The following VGF variants were observed in gnomAD, a reference collection of about 807,000 sequenced individuals.
VGF encodes VGF nerve growth factor inducible, also known as neurosecretory protein VGF.
A neutral mutation model predicts 41.1 loss-of-function variants in VGF; 13 were observed. The observed-to-expected ratio is 0.32, with a 90% CI of 0.21 to 0.50. VGF has a LOEUF of 0.50. Among genes scored for constraint, VGF ranks in the 20% least tolerant of loss-of-function variants. The probability of loss-of-function intolerance (pLI) is 0.98; values close to 1 mark genes in which losing one functional copy is unlikely to be tolerated. For missense variants in VGF, 920 were observed against 882.1 expected, an observed-to-expected ratio of 1.04 and a Z score of -0.54; for synonymous variants, 473 against 418.3, an observed-to-expected ratio of 1.13 and a Z score of -1.60.
intron 1 of VGF, 185 bp downstream of exon 1, chr7:101,165,189 C>A: frequency 1.9e-6 from 2 of 1,031,688 alleles, no homozygotes; most frequent in Non-Finnish European, 2.3e-6. Context: ...CCGTAGGACT[C>A]CCCGGATGGT....
In VGF at chr7:101,163,104, C is replaced by T. The variant is rs1244348615; in HGVS notation, c.1740G>A (p.Glu580=). 1 of 1,581,902 alleles carries T rather than the reference C, an allele frequency of 6.3e-7. No individual in the cohort carries two copies. Among genetic ancestry groups the T allele is most frequent in the Non-Finnish European group, 8.6e-7 (1 of 1,167,580 alleles). ...LPPSRHYPGR[E]AQARRAQEEA... ...CCTCCTGCGCGCGCCGCGCCTGGGC[C>T]TCCCGGCCGGGATAGTGGCGCGAAG... The change falls in exon 2 of 2, where the codon GAG becomes GAA. Residue 580 remains glutamate (E), a synonymous_variant. Coordinates refer to ENST00000249330, the MANE Select transcript of VGF (RefSeq NM_003378.4). The surrounding 1 kb of genome is among the most constrained non-coding windows in gnomAD (Gnocchi z 5.0).
rs763436638 is a variant in VGF at position 101,164,495 on chromosome 7, C to T, written c.349G>A (p.Glu117Lys). 4 of 1,601,220 alleles carry T rather than the reference C, an allele frequency of 2.5e-6. No homozygotes were observed. Among genetic ancestry groups the T allele is most frequent in the Non-Finnish European group, 3.4e-6 (4 of 1,179,138 alleles). The change falls in exon 2 of 2, where the codon GAG becomes AAG. Residue 117 changes from glutamate (E) to lysine (K), a missense_variant. Physicochemically the swap from Glu to Lys is moderately conservative, Grantham distance 56. This residue lies in a region of VGF where 654 missense variants were observed against 638.4 expected (regional missense o/e 1.02). Coordinates refer to ENST00000249330, the MANE Select transcript of VGF (RefSeq NM_003378.4). Reference sequence around the variant, plus strand: ...CTGTGGGTCTGGCTGCGCACGGTCTCGGTCAGCAGAGCTTCAGCTGCTTCT... The same window carrying T: ...CTGTGGGTCTGGCTGCGCACGGTCTTGGTCAGCAGAGCTTCAGCTGCTTCT... ...EEEAAEALLT[E>K]TVRSQTHSLP...
In VGF at chr7:101,162,765, C is replaced by G; in HGVS notation, c.*231G>C. ...CGCGTGGCAAGGGAACTCGCACAAACCACCCGCCCTCCTGGGCTGGCCCCC... is the reference window on the plus strand; with the variant it reads ...CGCGTGGCAAGGGAACTCGCACAAAGCACCCGCCCTCCTGGGCTGGCCCCC... On this transcript the variant is annotated 3_prime_UTR_variant, in exon 2 of 2. Coordinates refer to ENST00000249330, the MANE Select transcript of VGF (RefSeq NM_003378.4). The surrounding 1 kb of genome is among the most constrained non-coding windows in gnomAD (Gnocchi z 4.2). 1.6e-6 allele frequency: 1 copy of G among 632,308 alleles called. No homozygotes were observed. 39.2% of individuals were successfully genotyped at this position (632,308 alleles called of 1,614,324 possible).
In VGF at chr7:101,163,637, G is replaced by C. The variant is rs1797157873; in HGVS notation, c.1207C>G (p.Leu403Val). ...CCGTCCTCCTCCTCCGCGAACAGGA[G>C]CGCGTTCTGCCGCGCCCTCTCCGCC... ...EEAERARQNA[L>V]LFAEEEDGEA... Residue 403 changes from leucine (L) to valine (V), a missense_variant, in exon 2 of 2, where the codon CTC (leucine) becomes GTC (valine). Around this residue, in one of 3 missense-constraint regions of VGF, gnomAD observed 654 missense variants for 638.4 expected, o/e 1.02. Transcript: ENST00000249330. The surrounding 1 kb of genome is among the most constrained non-coding windows in gnomAD (Gnocchi z 5.0). 6.5e-7 allele frequency: 1 copy of C among 1,543,900 alleles called. No homozygotes were observed. The highest frequency in any genetic ancestry group is 1.2e-5 in the South Asian group (1 of 84,856).
upstream of VGF, among the ~76,000 whole-genome samples, chr7:101,169,043 C>G (rs1263144327): frequency 2.0e-5 from 3 of 152,042 alleles, no homozygotes; most frequent in Non-Finnish European, 2.9e-5. Context: ...GCTGGGGAAT[C>G]CTGGGGAAGG....
At position 101,164,418 on chromosome 7, in the gene VGF, A is replaced by T. The variant is rs777969426; in HGVS notation, c.426T>A (p.Thr142=). 1 of 1,608,692 alleles carries T rather than the reference A, an allele frequency of 6.2e-7. No individual in the cohort carries two copies. The part of the protein sequence containing the change: ...PEPAAPPRPQ[T]PENGPEASDP... Reference sequence around the variant, plus strand: ...CGCTCGCCTCGGGCCCATTCTCCGGAGTCTGAGGGCGAGGCGGAGCCGCGG... The same window carrying T: ...CGCTCGCCTCGGGCCCATTCTCCGGTGTCTGAGGGCGAGGCGGAGCCGCGG... The change falls in exon 2 of 2, where the codon ACT becomes ACA. Residue 142 remains threonine (T), a synonymous_variant. Coordinates refer to ENST00000249330, the MANE Select transcript of VGF (RefSeq NM_003378.4).
At chr7:101,164,900 G>C in intron 1 of VGF, 37 bp from the exon 2 acceptor site, 2 of 1,493,790 alleles carry the variant, frequency 1.3e-6, no homozygotes, top group Non-Finnish European at 1.8e-6. Context: ...GAGGATTTCT[G>C]TAAGAATTCC....
At position 101,165,375 on chromosome 7, in the gene VGF, A is replaced by G; in HGVS notation, c.-22T>C. 1.0e-6 allele frequency: 1 copy of G among 985,182 alleles called. No individual in the cohort carries two copies. The highest frequency in any genetic ancestry group is 4.7e-5 in the South Asian group (1 of 21,270). The allele number at this position is 985,182 out of a possible 1,614,324, so 61.0% of individuals were successfully genotyped here. ...AGGGACGAACAGCGGAGTATTTACC[A>G]GCTGGTGTCACGACGCGAGAGGTGG... On this transcript the variant is annotated splice_region_variant and 5_prime_UTR_variant, in exon 1 of 2. Transcript: ENST00000249330.
At chr7:101,168,583 G>A (rs549471186), upstream of VGF, among the ~76,000 whole-genome samples, 3 of 152,306 alleles carry the variant, frequency 2.0e-5, no homozygotes, top group East Asian at 3.9e-4. Flanking sequence ...CCCATATGGG[G>A]ACCTAGTTGG....
chr7:101,166,132 G>A (rs1340711026), upstream of VGF, among the ~76,000 whole-genome samples: 1 of 152,256 alleles, frequency 6.6e-6, no homozygotes, highest in Non-Finnish European at 1.5e-5. Flanking sequence ...GTGAACCTGA[G>A]TGCAGAGGGA....
At chr7:101,165,086 GCCT>G in intron 1 of VGF, 2 of 1,236,654 alleles carry the variant, frequency 1.6e-6, no homozygotes, top group Admixed American at 3.8e-5. Context: ...CTTACCCAGG[GCCT>G]CCTCGGCCCC....
At position 101,163,877 on chromosome 7, in the gene VGF, G is replaced by A; in HGVS notation, c.967C>T (p.Arg323Trp). The part of the protein sequence containing the change: ...ATRQAAAQEE[R>W]LADLASDLLL... ...AGGTCCGAGGCGAGGTCGGCCAGCC[G>A]CTCTTCCTGCGCCGCGGCCTGCCGC... The change falls in exon 2 of 2, where the codon CGG becomes TGG. Residue 323 changes from arginine (R) to tryptophan (W), a missense_variant. Physicochemically the swap from Arg to Trp is moderately radical, Grantham distance 101. This residue lies in a region of VGF where 654 missense variants were observed against 638.4 expected (regional missense o/e 1.02). Coordinates refer to ENST00000249330, the MANE Select transcript of VGF (RefSeq NM_003378.4). The surrounding 1 kb of genome is among the most constrained non-coding windows in gnomAD (Gnocchi z 5.0). 1.3e-6 allele frequency: 2 copies of A among 1,493,912 alleles called. No individual in the cohort carries two copies. The highest frequency in any genetic ancestry group is 2.7e-5 in the East Asian group (1 of 37,368). 92.5% of individuals were successfully genotyped at this position (1,493,912 alleles called of 1,614,324 possible). A position where few individuals can be genotyped will look rare whatever the true frequency, so the allele number is the denominator to read the frequency against.
chr7:101,163,542 C>T lies in VGF; in HGVS notation c.1302G>A (p.Gly434=), dbSNP rs150854873. The T allele has an allele frequency of 6.9e-6, 11 of 1,603,542 alleles. No homozygotes were observed. The African/African-American group carries it at 1.2e-4, about 18-fold the overall frequency. Residue 434 remains glycine, a synonymous_variant, in exon 2 of 2, where the codon GGG becomes GGA. Coordinates refer to ENST00000249330, the MANE Select transcript of VGF (RefSeq NM_003378.4). The surrounding 1 kb of genome is among the most constrained non-coding windows in gnomAD (Gnocchi z 5.0). ...TPGHRRKEAE[G]TEEGGEEEDD... ...CCTCCTCCTCCCCGCCCTCCTCTGT[C>T]CCCTCGGCCTCCTTCCGCCGGTGGC...
Position 101,165,361 on chromosome 7 carries a change from G to A in VGF, c.-21+13C>T. The A allele has an allele frequency of 1.0e-6, 1 of 985,650 alleles. No individual in the cohort carries two copies. Among genetic ancestry groups the A allele is most frequent in the Non-Finnish European group, 1.2e-6 (1 of 830,090 alleles). 61.1% of individuals were successfully genotyped at this position (985,650 alleles called of 1,614,324 possible). A position where few individuals can be genotyped will look rare whatever the true frequency, so the allele number is the denominator to read the frequency against. On this transcript the variant is annotated intron_variant, in intron 1 of 1. Coordinates refer to ENST00000249330, the MANE Select transcript of VGF (RefSeq NM_003378.4). ...CTGCCGAGGGTTTGAGGGACGAACA[G>A]CGGAGTATTTACCAGCTGGTGTCAC...
Position 101,164,131 on chromosome 7 carries a change from C to G in VGF, c.713G>C (p.Ser238Thr). 6.7e-7 allele frequency: 1 copy of G among 1,503,092 alleles called. No homozygotes were observed. The highest frequency in any genetic ancestry group is 8.8e-7 in the Non-Finnish European group (1 of 1,134,274). The allele number at this position is 1,503,092 out of a possible 1,614,324, so 93.1% of individuals were successfully genotyped here. The change falls in exon 2 of 2, where the codon AGC becomes ACC. Residue 238 changes from serine to threonine, a missense_variant. By Grantham distance (58) the Ser-to-Thr change is moderately conservative. Coordinates refer to ENST00000249330, the MANE Select transcript of VGF (RefSeq NM_003378.4). ...CTTGTGGGTTTCGGGAAGGGGCCCG[C>G]TGTCGGGCATACGCGCCTGGAATTG... The part of the protein sequence containing the change: ...PSQFQARMPD[S>T]GPLPETHKFG...
At chr7:101,167,703 G>A (rs1797242403), upstream of VGF, among the ~76,000 whole-genome samples, 2 of 152,162 alleles carry the variant, frequency 1.3e-5, no homozygotes, top group South Asian at 4.1e-4. This position sits in a 1 kb window ranked among gnomAD's most constrained non-coding sequence, Gnocchi z 4.2. Flanking sequence ...AGAGAAGACG[G>A]GCACCTGGAG....
In VGF at chr7:101,164,633, C is replaced by T. The variant is rs775925354; in HGVS notation, c.211G>A (p.Gly71Arg). 1.9e-6 allele frequency: 3 copies of T among 1,596,460 alleles called. No homozygotes were observed. The highest frequency in any genetic ancestry group is 8.5e-7 in the Non-Finnish European group (1 of 1,171,732). Residue 71 changes from glycine to arginine, a missense_variant, in exon 2 of 2, where the codon GGA becomes AGA. Physicochemically the swap from Gly to Arg is moderately radical, Grantham distance 125. Coordinates refer to ENST00000249330, the MANE Select transcript of VGF (RefSeq NM_003378.4). ...GARNSEPQDE[G>R]ELFQGVDPRA... ...GGATCCACGCCCTGGAAAAGCTCTC[C>T]CTCGTCCTGCGGCTCGGAATTCCGA...
rs1440813989 is a variant in VGF at position 101,162,689 on chromosome 7, TC to T, written c.*306del. The T allele has an allele frequency of 2.0e-6, 1 of 506,624 alleles. No individual in the cohort carries two copies. Among genetic ancestry groups the T allele is most frequent in the African/African-American group, 2.0e-5 (1 of 49,630 alleles). 31.4% of individuals were successfully genotyped at this position (506,624 alleles called of 1,614,324 possible). On this transcript the variant is annotated 3_prime_UTR_variant, in exon 2 of 2. Coordinates refer to ENST00000249330, the MANE Select transcript of VGF (RefSeq NM_003378.4). The surrounding 1 kb of genome is among the most constrained non-coding windows in gnomAD (Gnocchi z 4.2). ...CACACAATTAACTGGAACTGCTTTT[TC>T]CGGTTTCCGACGGGGACGTCCCCAG... is the stretch of plus-strand genomic sequence containing the variant.
upstream of VGF, among the ~76,000 whole-genome samples, chr7:101,165,748 C>T (rs555041083): frequency 6.6e-6 from 1 of 152,228 alleles, no homozygotes; most frequent in South Asian, 2.1e-4. Flanking sequence ...CGCGCTGGGG[C>T]CTTCGGCTGA....
Sources: gnomAD v4.1 joint callset for allele counts (sites outside exome capture counted in the v4.1 genomes callset) on GRCh38, gnomAD v4.1.1 for gene constraint, gnomAD v4.1.1 regional missense constraint, Gnocchi (gnomAD v3.1) non-coding constraint, MANE v1.5 for transcripts, NCBI Gene and HGNC (gene_info 2026-07-23, HGNC 2026-07-21) for gene names.